Variants in FRMD4A observed in about 807,000 individuals in gnomAD.
FRMD4A encodes FERM domain containing 4A, also known as FERM domain-containing protein 4A.
A neutral mutation model predicts 129.1 loss-of-function variants in FRMD4A; 29 were observed. That is an observed-to-expected ratio of 0.22 (90% CI 0.17 to 0.31). FRMD4A has a LOEUF of 0.31. Among genes scored for constraint, FRMD4A ranks in the 10% least tolerant of loss-of-function variants. The probability of loss-of-function intolerance (pLI) is 1.00; values close to 1 mark genes in which losing one functional copy is unlikely to be tolerated. For synonymous variants in FRMD4A, 634 were observed against 571.6 expected (o/e 1.11, Z -1.56); for missense variants, 1,272 against 1,375.8 (o/e 0.92, Z 1.19).
rs540942363 is a variant in FRMD4A, at chr10:13,955,210, C to T, written c.46-96298G>A. Among the ~76,000 whole-genome samples, 26 of 149,106 alleles carry T rather than the reference C, an allele frequency of 1.7e-4. No individual in the cohort carries two copies. In the South Asian group the frequency reaches 2.5e-3, roughly 15 times the overall value. ...GTAGCCTCTGCCTTCCGGGTTCAAG[C>T]GATTCTTGCACCTCAGCCTCCAGAG... On this transcript the variant is annotated intron_variant, in intron 2 of 24. Coordinates refer to ENST00000357447, the MANE Select transcript of FRMD4A (RefSeq NM_018027.5).
intron 24 of FRMD4A, among the ~76,000 whole-genome samples, chr10:13,648,426 A>T (rs1360550092): frequency 6.6e-6 from 1 of 151,894 alleles, no homozygotes; most frequent in Admixed American, 6.6e-5. Context: ...TCTTAGGGGG[A>T]CAGTCTCTCC....
At chr10:13,661,528 C>G (rs762976813) in intron 19 of FRMD4A, among the ~76,000 whole-genome samples, 3 of 152,176 alleles carry the variant, frequency 2.0e-5, no homozygotes, top group Non-Finnish European at 4.4e-5. Context: ...AAGAGCCCGA[C>G]TGATGGGGGC....
At chr10:14,109,992 A>G (rs1477169651) in intron 2 of FRMD4A, among the ~76,000 whole-genome samples, 1 of 150,774 alleles carries the variant, frequency 6.6e-6, no homozygotes, top group Non-Finnish European at 1.5e-5. Flanking sequence ...CCCACCAAAA[A>G]AAAAAAAAAG....
intron 12 of FRMD4A, among the ~76,000 whole-genome samples, chr10:13,720,461 C>T (rs1588417663): frequency 6.6e-6 from 1 of 152,184 alleles, no homozygotes; most frequent in Non-Finnish European, 1.5e-5. Flanking sequence ...GCTCCGGCAA[C>T]TTTTATCCAT....
Position 13,648,884 on chromosome 10 carries a change from C to T in FRMD4A, c.*3-1849G>A, listed in dbSNP as rs554110367. 3.3e-5 allele frequency: 5 copies of T among 152,278 alleles called. No homozygotes were observed. In the East Asian group the frequency reaches 7.7e-4, roughly 24 times the overall value. 9.4% of individuals were successfully genotyped at this position (152,278 alleles called of 1,614,324 possible). On this transcript the variant is annotated intron_variant, in intron 24 of 24. Coordinates refer to ENST00000357447, the MANE Select transcript of FRMD4A (RefSeq NM_018027.5). Reference sequence around the variant, plus strand: ...TCATGAGATCTTAGGAACACTTAGCCAGTGTTTCCCAAAGTAGTCCTGTGA... The same window carrying T: ...TCATGAGATCTTAGGAACACTTAGCTAGTGTTTCCCAAAGTAGTCCTGTGA...
intron 23 of FRMD4A, among the ~76,000 whole-genome samples, chr10:13,653,636 C>A (rs1429687617): frequency 1.3e-5 from 2 of 152,186 alleles, no homozygotes; most frequent in Admixed American, 6.5e-5. Context: ...AGGAACCAGA[C>A]AAACCGAGGA....
chr10:14,184,813 A>AT (rs1304365737), intron 2 of FRMD4A, among the ~76,000 whole-genome samples: 3 of 152,076 alleles, frequency 2.0e-5, no homozygotes, highest in Non-Finnish European at 4.4e-5. Context: ...TTATTTATTT[A>AT]TTTTTTATTT....
intron 2 of FRMD4A, among the ~76,000 whole-genome samples, chr10:14,287,116 G>C (rs1240922017): frequency 1.4e-5 from 2 of 139,714 alleles, no homozygotes; most frequent in African/African-American, 5.7e-5. Flanking sequence ...TCTTCTTGCT[G>C]CCATCTTGCT....
intron 2 of FRMD4A, among the ~76,000 whole-genome samples, chr10:13,902,855 A>C (rs67469366): frequency 0.018 from 2,703 of 146,152 alleles, 100 homozygotes; most frequent in East Asian, 0.16. Flanking sequence ...AAAAAAAAAA[A>C]AACAACAACA....
intron 2 of FRMD4A, among the ~76,000 whole-genome samples, chr10:14,193,146 A>C (rs1360785526): frequency 6.6e-6 from 1 of 152,214 alleles, no homozygotes; most frequent in Non-Finnish European, 1.5e-5. Flanking sequence ...TGGGAAGAAC[A>C]CAGTCTTACT....
intron 2 of FRMD4A, among the ~76,000 whole-genome samples, chr10:14,099,343 GA>G (rs59031164): frequency 0.12 from 17,572 of 151,456 alleles, 2,363 homozygotes; most frequent in African/African-American, 0.33. Flanking sequence ...AGACAGAAGA[GA>G]AAAAAAAATC....
chr10:14,181,480 G>A (rs918576571), intron 2 of FRMD4A, among the ~76,000 whole-genome samples: 5 of 152,168 alleles, frequency 3.3e-5, no homozygotes, highest in African/African-American at 4.8e-5. Context: ...TCGTCACAGA[G>A]GGGAAGCAGT....
rs189520426 is a variant in FRMD4A at position 14,058,690 on chromosome 10, G to T, written c.46-199778C>A. ...AGGGAGGTTGGCTGGTGGAAACACT[G>T]AACACATCCCTGTAGGGTGGTCCTT... On this transcript the variant is annotated intron_variant, in intron 2 of 24. Coordinates refer to ENST00000357447, the MANE Select transcript of FRMD4A (RefSeq NM_018027.5). Among the ~76,000 whole-genome samples, 321 of 152,284 alleles carry T rather than the reference G, an allele frequency of 2.1e-3. 2 individuals are homozygous for T. Among genetic ancestry groups the T allele is most frequent in the African/African-American group, 7.4e-3 (308 of 41,562 alleles).
intron 12 of FRMD4A, among the ~76,000 whole-genome samples, chr10:13,720,807 G>A (rs939924740): frequency 6.6e-6 from 1 of 152,078 alleles, no homozygotes; most frequent in Non-Finnish European, 1.5e-5. Context: ...AGAAGTCAGG[G>A]GCGTCATTTG....
chr10:14,208,487 G>A (rs955088165), intron 2 of FRMD4A, among the ~76,000 whole-genome samples: 1 of 152,090 alleles, frequency 6.6e-6, no homozygotes, highest in Non-Finnish European at 1.5e-5. Flanking sequence ...AGTCCCAAGA[G>A]CCAGACTGCC....
At chr10:14,040,820 G>A (rs1341074971) in intron 2 of FRMD4A, among the ~76,000 whole-genome samples, 1 of 152,186 alleles carries the variant, frequency 6.6e-6, no homozygotes, top group Non-Finnish European at 1.5e-5. Context: ...GGATACAGTG[G>A]TTTTGGCTTC....
intron 5 of FRMD4A, 131 bp downstream of exon 5, chr10:13,796,365 A>G (rs762845286): frequency 1.6e-4 from 110 of 673,250 alleles, no homozygotes; most frequent in Non-Finnish European, 2.8e-4. Flanking sequence ...ATGCAGCTCT[A>G]CTACAACCTT....
chr10:14,163,357 C>T (rs756361603), intron 2 of FRMD4A, among the ~76,000 whole-genome samples: 1 of 152,096 alleles, frequency 6.6e-6, no homozygotes, highest in Non-Finnish European at 1.5e-5. Flanking sequence ...AACGTAATTC[C>T]CTTTGAATAT....
rs528271641 is a variant in FRMD4A at position 13,976,254 on chromosome 10, C to T, written c.46-117342G>A. Among the ~76,000 whole-genome samples the T allele has an allele frequency of 7.9e-5, 12 of 152,290 alleles. No individual in the cohort carries two copies. The East Asian group carries it at 1.4e-3, about 17-fold the overall frequency. ...CCAAGGAGAAGCTGAGGTCTTGGTC[C>T]TGGGATTGCACATTGGGGAAGGGAA... On this transcript the variant is annotated intron_variant, in intron 2 of 24. Coordinates refer to ENST00000357447, the MANE Select transcript of FRMD4A (RefSeq NM_018027.5).
Sources: gnomAD v4.1 joint callset for allele counts (sites outside exome capture counted in the v4.1 genomes callset) on GRCh38, gnomAD v4.1.1 for gene constraint, MANE v1.5 for transcripts, NCBI Gene and HGNC (gene_info 2026-07-23, HGNC 2026-07-21) for gene names.